TMPRSS11D: variants seen among roughly 807,000 people sequenced by gnomAD.
TMPRSS11D encodes transmembrane serine protease 11D, also known as transmembrane protease serine 11D.
A neutral mutation model predicts 44.4 loss-of-function variants in TMPRSS11D; 32 were observed. The observed-to-expected ratio is 0.72, with a 90% CI of 0.54 to 0.97. The LOEUF (loss-of-function observed/expected upper bound fraction) is 0.97. TMPRSS11D is among the 50% of genes least tolerant of loss of function. TMPRSS11D has a pLI of 0.00. For synonymous variants in TMPRSS11D, 179 were observed against 177.9 expected, an observed-to-expected ratio of 1.01 and a Z score of -0.05; for missense variants, 446 against 502.6, an observed-to-expected ratio of 0.89 and a Z score of 1.08.
Position 67,838,342 on chromosome 4 carries a change from A to C in TMPRSS11D, c.318-13T>G, listed in dbSNP as rs767380028. On this transcript the variant is annotated splice_polypyrimidine_tract_variant and intron_variant, in intron 4 of 9. Coordinates refer to ENST00000283916, the MANE Select transcript of TMPRSS11D (RefSeq NM_004262.3). The stretch of plus-strand genomic sequence containing the variant: ...ACTACCATCTTGCCTGTAAATCATA[A>C]AGATATTTTAAAAAACAAATAATAT... 2 of 1,527,318 alleles carry C rather than the reference A, an allele frequency of 1.3e-6. No homozygotes were observed. The highest frequency in any genetic ancestry group is 2.8e-5 in the African/African-American group (2 of 70,904). 94.6% of individuals were successfully genotyped at this position (1,527,318 alleles called of 1,614,324 possible).
chr4:67,855,062 C>T (rs1276370489), intron 2 of TMPRSS11D, among the ~76,000 whole-genome samples: 1 of 152,066 alleles, frequency 6.6e-6, no homozygotes, highest in Non-Finnish European at 1.5e-5. Context: ...CGAGACCAAC[C>T]TGGCCAACAT....
chr4:67,872,705 T>A (rs1719086134), intron 1 of TMPRSS11D, among the ~76,000 whole-genome samples: 2 of 152,164 alleles, frequency 1.3e-5, no homozygotes, highest in South Asian at 4.1e-4. Flanking sequence ...TAATTGACAA[T>A]GAGGGTGGAC....
chr4:67,833,000 T>C (rs1323280655), intron 7 of TMPRSS11D, among the ~76,000 whole-genome samples: 2 of 152,160 alleles, frequency 1.3e-5, no homozygotes, highest in Non-Finnish European at 2.9e-5. Flanking sequence ...TGCTAATATA[T>C]TATTACCTGA....
At chr4:67,836,161 C>T (rs1718082443) in intron 5 of TMPRSS11D, among the ~76,000 whole-genome samples, 1 of 152,070 alleles carries the variant, frequency 6.6e-6, no homozygotes, top group Admixed American at 6.6e-5. Context: ...TTATTCCATC[C>T]TCCTCACTCC....
intron 1 of TMPRSS11D, among the ~76,000 whole-genome samples, chr4:67,877,456 T>G (rs1205832059): frequency 6.6e-6 from 1 of 152,150 alleles, no homozygotes; most frequent in Non-Finnish European, 1.5e-5. Flanking sequence ...CAGAGAGAGA[T>G]AAACCAAAAA....
chr4:67,879,338 G>A (rs1195488106), intron 1 of TMPRSS11D, among the ~76,000 whole-genome samples: 2 of 151,766 alleles, frequency 1.3e-5, no homozygotes, highest in Non-Finnish European at 1.5e-5. Flanking sequence ...AAAATTAGCC[G>A]GGCGCAGTGG....
At chr4:67,838,069 T>A in intron 5 of TMPRSS11D, 103 bp downstream of exon 5, 1 of 1,011,562 alleles carries the variant, frequency 9.9e-7, no homozygotes, top group Non-Finnish European at 1.4e-6. Flanking sequence ...CACAGTTTAG[T>A]TTCAAAGAAA....
intron 1 of TMPRSS11D, among the ~76,000 whole-genome samples, chr4:67,873,151 C>T (rs1719102739): frequency 1.3e-5 from 2 of 152,188 alleles, no homozygotes; most frequent in African/African-American, 4.8e-5. Flanking sequence ...TTGCACATTT[C>T]CAATTCTATT....
chr4:67,822,629 A>G, intron 9 of TMPRSS11D, 131 bp from the exon 10 acceptor site: 1 of 996,312 alleles, frequency 1.0e-6, no homozygotes, highest in Non-Finnish European at 1.4e-6. Flanking sequence ...TTTCCTTTTG[A>G]AATATTATAC....
At chr4:67,878,257 C>G (rs1719240071) in intron 1 of TMPRSS11D, among the ~76,000 whole-genome samples, 1 of 152,188 alleles carries the variant, frequency 6.6e-6, no homozygotes, top group South Asian at 2.1e-4. Flanking sequence ...ATTTCAGTGT[C>G]ATCGTATTAA....
chr4:67,872,057 C>G (rs1388636482), intron 1 of TMPRSS11D, among the ~76,000 whole-genome samples: 1 of 152,038 alleles, frequency 6.6e-6, no homozygotes, highest in Non-Finnish European at 1.5e-5. Context: ...TTAGGGATAG[C>G]CCAACATGTA....
intron 2 of TMPRSS11D, among the ~76,000 whole-genome samples, chr4:67,854,852 A>G (rs190571228): frequency 6.6e-6 from 1 of 152,354 alleles, no homozygotes; most frequent in East Asian, 1.9e-4. Flanking sequence ...AAGAACTAAC[A>G]TCAATTCTCC....
At chr4:67,867,701 A>G (rs747541008) in intron 1 of TMPRSS11D, among the ~76,000 whole-genome samples, 7 of 152,050 alleles carry the variant, frequency 4.6e-5, no homozygotes, top group Non-Finnish European at 1.0e-4. Context: ...AGACATACAA[A>G]TAGCCACAAA....
intron 1 of TMPRSS11D, among the ~76,000 whole-genome samples, chr4:67,883,724 T>A (rs1259961420): frequency 6.6e-6 from 1 of 152,048 alleles, no homozygotes; most frequent in Non-Finnish European, 1.5e-5. Flanking sequence ...TTATAAAAAA[T>A]TCAGTTAAGC....
At chr4:67,883,039 A>T (rs1266620469) in intron 1 of TMPRSS11D, among the ~76,000 whole-genome samples, 2 of 148,366 alleles carry the variant, frequency 1.3e-5, no homozygotes, top group African/African-American at 5.3e-5. Flanking sequence ...ATTCAAGTGC[A>T]TATAACTGTA....
At chr4:67,854,210 G>T in intron 2 of TMPRSS11D, 24 bp from the exon 3 acceptor site, 1 of 1,220,902 alleles carries the variant, frequency 8.2e-7, no homozygotes, top group Non-Finnish European at 1.2e-6. Flanking sequence ...AAAAGGGAAG[G>T]TCAGTCTTAC....
chr4:67,864,063 C>G (rs1048445880), intron 1 of TMPRSS11D, among the ~76,000 whole-genome samples: 1 of 151,822 alleles, frequency 6.6e-6, no homozygotes, highest in Non-Finnish European at 1.5e-5. Flanking sequence ...CCATAAAAAA[C>G]TTTAGAGAAA....
At position 67,831,564 on chromosome 4, in the gene TMPRSS11D, A is replaced by G. The variant is rs1418532823; in HGVS notation, c.692+1640T>C. On this transcript the variant is annotated intron_variant, in intron 7 of 9. Transcript: ENST00000283916. ...TGGGACTGAATAGGGCTTAGAATCCAGGGAGGTTTCTATTCCGTTCTTGGT... is the reference window on the plus strand; with the variant it reads ...TGGGACTGAATAGGGCTTAGAATCCGGGGAGGTTTCTATTCCGTTCTTGGT... Among the ~76,000 whole-genome samples, 3 of 152,134 alleles carry G rather than the reference A, an allele frequency of 2.0e-5. No homozygotes were observed. In the South Asian group the frequency reaches 6.2e-4, roughly 31 times the overall value.
intron 1 of TMPRSS11D, among the ~76,000 whole-genome samples, chr4:67,866,128 A>T (rs901648532): frequency 2.0e-5 from 3 of 152,036 alleles, no homozygotes; most frequent in African/African-American, 7.2e-5. Flanking sequence ...ATCCAACAGC[A>T]CATCAAAATG....
Sources: gnomAD v4.1 joint callset for allele counts (sites outside exome capture counted in the v4.1 genomes callset) on GRCh38, gnomAD v4.1.1 for gene constraint, MANE v1.5 for transcripts, NCBI Gene and HGNC (gene_info 2026-07-23, HGNC 2026-07-21) for gene names.